Variants in SLIT3 observed in about 807,000 individuals in gnomAD.
SLIT3 encodes the protein slit guidance ligand 3.
A neutral mutation model predicts 184.0 loss-of-function variants in SLIT3; 68 were observed. The observed-to-expected ratio is 0.37, with a 90% CI of 0.30 to 0.45. The LOEUF (loss-of-function observed/expected upper bound fraction) is 0.45. SLIT3 is among the 20% of genes least tolerant of loss of function. SLIT3 has a pLI of 1.00. For missense variants in SLIT3, 1,707 were observed against 2,026.0 expected (o/e 0.84, Z 3.02); for synonymous variants, 831 against 828.6 (o/e 1.00, Z -0.05).
intron 3 of SLIT3, among the ~76,000 whole-genome samples, chr5:169,200,633 G>A (rs1200365314): frequency 6.6e-6 from 1 of 152,138 alleles, no homozygotes; most frequent in African/African-American, 2.4e-5. Flanking sequence ...CAACTATGAA[G>A]ATGTACAGAT....
intron 15 of SLIT3, 76 bp from the exon 16 acceptor site, chr5:168,761,012 A>G: frequency 9.2e-7 from 1 of 1,092,284 alleles, no homozygotes. Context: ...GCTTTGCTGC[A>G]TTGCTGCCTG....
chr5:169,251,552 G>C, intron 1 of SLIT3, 93 bp from the exon 2 acceptor site: 1 of 852,612 alleles, frequency 1.2e-6, no homozygotes, highest in Non-Finnish European at 2.0e-6. Flanking sequence ...GATGTTGCTT[G>C]TCCAGAAGGC....
chr5:169,245,300 T>C (rs1327620258), intron 2 of SLIT3, among the ~76,000 whole-genome samples: 1 of 152,020 alleles, frequency 6.6e-6, no homozygotes, highest in Non-Finnish European at 1.5e-5. Context: ...ATGATGATGG[T>C]CCTAAAAGAT....
At chr5:169,066,231 C>G (rs1758345026) in intron 4 of SLIT3, among the ~76,000 whole-genome samples, 1 of 152,196 alleles carries the variant, frequency 6.6e-6, no homozygotes. Flanking sequence ...TTTCTCCAGT[C>G]CCAAGCCCAG....
chr5:168,899,183 GAAAAC>G (rs1169353660), intron 4 of SLIT3, among the ~76,000 whole-genome samples: 1 of 142,534 alleles, frequency 7.0e-6, no homozygotes, highest in Non-Finnish European at 1.6e-5. Flanking sequence ...CTTAAGAACA[GAAAAC>G]AAAGAGAACT....
At chr5:169,167,312 T>C (rs1282775499) in intron 4 of SLIT3, among the ~76,000 whole-genome samples, 4 of 138,566 alleles carry the variant, frequency 2.9e-5, no homozygotes, top group Non-Finnish European at 4.6e-5. Flanking sequence ...TCTCACTCTG[T>C]CACCCAGGCT....
chr5:168,665,788 G>GGACA lies in SLIT3; in HGVS notation c.*662_*665dup, dbSNP rs1425103298. The GGACA allele has an allele frequency of 6.6e-6, 1 of 152,246 alleles. No individual in the cohort carries two copies. The highest frequency in any genetic ancestry group is 2.4e-5 in the African/African-American group (1 of 41,372). The allele number at this position is 152,246 out of a possible 1,614,324, so 9.4% of individuals were successfully genotyped here. ...TTCAGATACCCTGAAGGGGGGTCTG[G>GGACA]GACAGACAGGGACAGCAATATTTTT... On this transcript the variant is annotated 3_prime_UTR_variant, in exon 36 of 36. Transcript: ENST00000519560.
chr5:169,231,597 T>C (rs1371268512), intron 3 of SLIT3, among the ~76,000 whole-genome samples: 1 of 152,352 alleles, frequency 6.6e-6, no homozygotes, highest in South Asian at 2.1e-4. Flanking sequence ...CCACAGTCTA[T>C]TGATTTATTC....
At chr5:168,937,578 A>G (rs1762199010) in intron 4 of SLIT3, among the ~76,000 whole-genome samples, 1 of 152,080 alleles carries the variant, frequency 6.6e-6, no homozygotes, top group Non-Finnish European at 1.5e-5. Context: ...TCTAGATGGC[A>G]TTGGCCTTGT....
intron 1 of SLIT3, among the ~76,000 whole-genome samples, chr5:169,278,455 C>A (rs7728186): frequency 0.034 from 5,210 of 152,236 alleles, 290 homozygotes; most frequent in African/African-American, 0.12. Context: ...CCCCTCTGTG[C>A]GTTAACTTGG....
chr5:168,807,075 C>T (rs577392269), intron 8 of SLIT3, among the ~76,000 whole-genome samples: 3 of 152,236 alleles, frequency 2.0e-5, no homozygotes, highest in South Asian at 4.2e-4. Context: ...AGTGTTAATA[C>T]CCCCACCAGC....
Position 168,772,478 on chromosome 5 carries a change from G to A in SLIT3, c.1459+303C>T, listed in dbSNP as rs539121537. 3.3e-5 allele frequency: 13 copies of A among 398,260 alleles called. No individual in the cohort carries two copies. In the South Asian group the frequency reaches 3.3e-4, roughly 10 times the overall value. The allele number at this position is 398,260 out of a possible 1,614,324, so 24.7% of individuals were successfully genotyped here. On this transcript the variant is annotated intron_variant, in intron 14 of 35. Coordinates refer to ENST00000519560, the MANE Select transcript of SLIT3 (RefSeq NM_003062.4). ...TGTAACAGGCACATGTGCAAAGGCC[G>A]CCCCAGCCCCACCTTCTCCTTAGCT...
intron 4 of SLIT3, among the ~76,000 whole-genome samples, chr5:168,961,455 C>A (rs1263713920): frequency 9.2e-5 from 14 of 152,054 alleles, no homozygotes; most frequent in African/African-American, 4.8e-5. Context: ...GAGGTGAGAG[C>A]CCATATTAAT....
At chr5:169,108,505 G>A (rs548205849) in intron 4 of SLIT3, among the ~76,000 whole-genome samples, 15 of 152,314 alleles carry the variant, frequency 9.8e-5, no homozygotes, top group South Asian at 6.2e-4. Context: ...GCAGATGAAG[G>A]GCACAAAGGA....
intron 23 of SLIT3, 81 bp downstream of exon 23, chr5:168,722,175 G>T (rs1286208877): frequency 7.9e-7 from 1 of 1,270,858 alleles, no homozygotes; most frequent in Non-Finnish European, 1.1e-6. Flanking sequence ...TGGGCAGAGA[G>T]TGGGGAAGGG....
At chr5:168,889,655 G>C (rs912406819) in intron 4 of SLIT3, among the ~76,000 whole-genome samples, 1 of 152,180 alleles carries the variant, frequency 6.6e-6, no homozygotes, top group Non-Finnish European at 1.5e-5. Flanking sequence ...TGGATTAAGT[G>C]TCAGCTCAGA....
At chr5:169,226,016 C>A (rs1039285458) in intron 3 of SLIT3, among the ~76,000 whole-genome samples, 3 of 152,142 alleles carry the variant, frequency 2.0e-5, no homozygotes, top group Admixed American at 1.3e-4. Context: ...CGGATGAGAT[C>A]AGCACAGTGG....
At chr5:169,137,335 C>CAGAGAGAGAGAGAGAGAGAG (rs1554101372) in intron 4 of SLIT3, among the ~76,000 whole-genome samples, 13 of 138,646 alleles carry the variant, frequency 9.4e-5, no homozygotes, top group African/African-American at 3.4e-4. Context: ...CACACACACA[C>CAGAGAGAGAGAGAGAGAGAG]AGAGAGAGAG....
Position 168,813,111 on chromosome 5 carries a change from G to A in SLIT3, c.793+4189C>T, listed in dbSNP as rs569826026. On this transcript the variant is annotated intron_variant, in intron 8 of 35. Transcript: ENST00000519560. ...TATCTCACATTTAAGGCCAAGGGCAGGTAAGTGTGAAACAGATGGACAAAC... is the reference window on the plus strand; with the variant it reads ...TATCTCACATTTAAGGCCAAGGGCAAGTAAGTGTGAAACAGATGGACAAAC... Among the ~76,000 whole-genome samples, 252 of 152,222 alleles carry A rather than the reference G, an allele frequency of 1.7e-3. 1 individual carries two copies. Among genetic ancestry groups the A allele is most frequent in the African/African-American group, 5.7e-3 (238 of 41,548 alleles).
Sources: allele counts gnomAD v4.1 joint callset (sites outside exome capture counted in the v4.1 genomes callset), GRCh38; gene constraint gnomAD v4.1.1; transcripts MANE v1.5; gene names NCBI Gene and HGNC (gene_info 2026-07-23, HGNC 2026-07-21).